Variants in TNS3 observed in about 807,000 individuals in gnomAD.
The protein encoded by TNS3 is tensin 3, also known as tensin-3.
TNS3 carries 45 observed loss-of-function variants against 140.9 expected under a neutral mutation model. The ratio of observed to expected loss-of-function variants is 0.32; its 90% CI spans 0.25 to 0.41. The LOEUF is 0.41. TNS3 is among the 10% of genes least tolerant of loss of function. The pLI is 1.00. For synonymous variants in TNS3, 815 were observed against 788.4 expected (o/e 1.03, Z -0.56); for missense variants, 1,716 against 1,906.7 (o/e 0.90, Z 1.86).
At chr7:47,463,214 G>A (rs960065232) in intron 4 of TNS3, among the ~76,000 whole-genome samples, 4 of 152,112 alleles carry the variant, frequency 2.6e-5, no homozygotes, top group African/African-American at 9.7e-5. Context: ...AGAGGCCTAG[G>A]CAGGTGGATC....
At chr7:47,485,710 A>G (rs1415640177) in intron 3 of TNS3, among the ~76,000 whole-genome samples, 1 of 152,164 alleles carries the variant, frequency 6.6e-6, no homozygotes, top group East Asian at 1.9e-4. Flanking sequence ...GAGCCTCTTT[A>G]TTGCCTTCTT....
chr7:47,363,030 T>TTAC (rs1790456209), intron 17 of TNS3, among the ~76,000 whole-genome samples: 14 of 1,122 alleles, frequency 0.012, no homozygotes, highest in African/African-American at 0.024. Flanking sequence ...GTCATCACCA[T>TTAC]CACCATCAAC....
chr7:47,523,697 CCT>C (rs1799074213), intron 2 of TNS3, among the ~76,000 whole-genome samples: 1 of 152,154 alleles, frequency 6.6e-6, no homozygotes, highest in South Asian at 2.1e-4. Context: ...TGGGCCAGTT[CCT>C]GGTTCCTTCT....
chr7:47,421,059 C>T (rs948181756), intron 10 of TNS3, among the ~76,000 whole-genome samples: 3 of 152,112 alleles, frequency 2.0e-5, no homozygotes, highest in Non-Finnish European at 4.4e-5. Context: ...CCTTGGCAGG[C>T]AACACTCAGG....
At chr7:47,414,137 G>A in intron 11 of TNS3, 140 bp from the exon 12 acceptor site, 1 of 814,882 alleles carries the variant, frequency 1.2e-6, no homozygotes, top group Non-Finnish European at 2.0e-6. Context: ...GCAGTGCATG[G>A]AGCCACAGGG....
At chr7:47,544,720 T>C (rs570995101) in intron 1 of TNS3, among the ~76,000 whole-genome samples, 1 of 152,156 alleles carries the variant, frequency 6.6e-6, no homozygotes, top group African/African-American at 2.4e-5. Context: ...CTGCTACCAA[T>C]GGGTGTCCCA....
chr7:47,358,927 G>C (rs1312766145), intron 17 of TNS3, among the ~76,000 whole-genome samples: 1 of 152,120 alleles, frequency 6.6e-6, no homozygotes, highest in Non-Finnish European at 1.5e-5. Context: ...AGAGCTTCTG[G>C]GGACAAATGA....
chr7:47,400,728 C>A, intron 14 of TNS3, 57 bp downstream of exon 14: 1 of 1,598,982 alleles, frequency 6.3e-7, no homozygotes, highest in Non-Finnish European at 8.5e-7. Flanking sequence ...AAGAATCAAC[C>A]AAGGAGGTTC....
rs943394074 is a variant in TNS3 at position 47,517,784 on chromosome 7, G to A, written c.-152-10840C>T. Among the ~76,000 whole-genome samples, 5 of 152,272 alleles carry A rather than the reference G, an allele frequency of 3.3e-5. No individual in the cohort carries two copies. In the East Asian group the frequency reaches 9.7e-4, roughly 30 times the overall value. On this transcript the variant is annotated intron_variant, in intron 2 of 30. Transcript: ENST00000311160. ...AGGAAAGTAACTCCAGGAAGGTGCAGCGGGAGCCTAAAGGCGGAGGGAGGG... is the reference window on the plus strand; with the variant it reads ...AGGAAAGTAACTCCAGGAAGGTGCAACGGGAGCCTAAAGGCGGAGGGAGGG...
At chr7:47,384,107 C>G (rs951464351) in intron 16 of TNS3, among the ~76,000 whole-genome samples, 2 of 152,242 alleles carry the variant, frequency 1.3e-5, no homozygotes, top group Non-Finnish European at 2.9e-5. Flanking sequence ...CTGTCTCCAC[C>G]GTTTGCTCCT....
At chr7:47,382,030 G>A (rs1249712232) in intron 16 of TNS3, among the ~76,000 whole-genome samples, 2 of 152,208 alleles carry the variant, frequency 1.3e-5, no homozygotes, top group African/African-American at 2.4e-5. Flanking sequence ...GTAGCTAACT[G>A]TATGTCTAGA....
chr7:47,559,794 G>A (rs1584857378), intron 1 of TNS3, among the ~76,000 whole-genome samples: 2 of 152,112 alleles, frequency 1.3e-5, no homozygotes, highest in Non-Finnish European at 2.9e-5. Context: ...CAGGGCAATG[G>A]GCAGCCTGGG....
At chr7:47,420,040 T>C (rs1794289095) in intron 10 of TNS3, among the ~76,000 whole-genome samples, 1 of 152,234 alleles carries the variant, frequency 6.6e-6, no homozygotes, top group Non-Finnish European at 1.5e-5. Flanking sequence ...ATCGGCTATA[T>C]CTGGGCATTG....
chr7:47,536,396 A>G (rs527841525), intron 1 of TNS3, among the ~76,000 whole-genome samples: 13 of 151,600 alleles, frequency 8.6e-5, no homozygotes, highest in Non-Finnish European at 1.5e-5. Context: ...GCTCTGTTTA[A>G]TTCAAACACC....
chr7:47,551,903 G>T (rs574953605), intron 1 of TNS3, among the ~76,000 whole-genome samples: 1 of 152,270 alleles, frequency 6.6e-6, no homozygotes, highest in South Asian at 2.1e-4. Context: ...GGGCAGGGGT[G>T]GGGTGGAGAG....
At chr7:47,349,773 A>G (rs1789557625) in intron 17 of TNS3, among the ~76,000 whole-genome samples, 1 of 152,192 alleles carries the variant, frequency 6.6e-6, no homozygotes, top group Non-Finnish European at 1.5e-5. Flanking sequence ...ATACTGCAAA[A>G]CCACTACGTG....
chr7:47,380,894 T>C (rs1344724099), intron 16 of TNS3, among the ~76,000 whole-genome samples: 2 of 152,222 alleles, frequency 1.3e-5, no homozygotes, highest in Non-Finnish European at 2.9e-5. Context: ...GACAGTGGCA[T>C]GCCAGAGGAG....
chr7:47,293,908 C>T, intron 24 of TNS3, 80 bp from the exon 25 acceptor site: 1 of 1,306,972 alleles, frequency 7.7e-7, no homozygotes, highest in South Asian at 1.2e-5. Context: ...ACATAAAAGC[C>T]AGGAGCTACA....
At chr7:47,306,053 A>G (rs1489308486) in intron 20 of TNS3, among the ~76,000 whole-genome samples, 2 of 152,228 alleles carry the variant, frequency 1.3e-5, no homozygotes, top group Non-Finnish European at 2.9e-5. Context: ...ATACTGAAAA[A>G]AAGGCTACCT....
Sources: gnomAD v4.1 joint callset for allele counts (sites outside exome capture counted in the v4.1 genomes callset) on GRCh38, gnomAD v4.1.1 for gene constraint, MANE v1.5 for transcripts, NCBI Gene and HGNC (gene_info 2026-07-23, HGNC 2026-07-21) for gene names.